LACTBL1: variants seen among roughly 807,000 people sequenced by gnomAD.
The protein encoded by LACTBL1 is beta-lactamase-like protein 1.
A neutral mutation model predicts 39.6 loss-of-function variants in LACTBL1; 29 were observed. That is an observed-to-expected ratio of 0.73 (90% confidence interval 0.55 to 1.00). LACTBL1 has a LOEUF of 1.00. Ranked by LOEUF, LACTBL1 falls within the 50% of genes least tolerant of loss-of-function variation. The pLI, the probability that LACTBL1 is intolerant of heterozygous loss-of-function variation, is 0.00. For missense variants in LACTBL1, 711 were observed against 748.5 expected (o/e 0.95, Z 0.59); for synonymous variants, 361 against 360.7 (o/e 1.00, Z -0.01).
chr1:22,959,038 G>A, intron 3 of LACTBL1, 118 bp from the exon 6 acceptor site: 1 of 650,244 alleles, frequency 1.5e-6, no homozygotes, highest in Non-Finnish European at 2.7e-6. Flanking sequence ...CCCTGCTTAA[G>A]TCAACATCTC....
chr1:22,958,697 TG>T lies in LACTBL1; in HGVS notation c.540del (p.Ser181AlafsTer25), dbSNP rs1640785793. 1 of 1,546,818 alleles carries T rather than the reference TG, an allele frequency of 6.5e-7. No homozygotes were observed. Among genetic ancestry groups the T allele is most frequent in the East Asian group, 2.4e-5 (1 of 40,898 alleles). On this transcript the variant is annotated frameshift_variant, in exon 4 of 6. Coordinates refer to ENST00000426928, the Ensembl canonical transcript of LACTBL1. LOFTEE classifies it high-confidence loss of function. Reference sequence around the variant, plus strand: ...TTCTGAGACTCACCTGAGAGCTGGCTGGCCATCCTTCGAAGGGTGACAGGTG... The same window carrying T: ...TTCTGAGACTCACCTGAGAGCTGGCTGCCATCCTTCGAAGGGTGACAGGTG...
At position 22,955,330 on chromosome 1, in the gene LACTBL1, G is replaced by A. The variant is rs561879449; in HGVS notation, c.650C>T (p.Pro217Leu). 139 of 1,550,266 alleles carry A rather than the reference G, an allele frequency of 9.0e-5. 1 individual carries two copies. In the African/African-American group the frequency reaches 1.1e-3, roughly 13 times the overall value. Reference sequence around the variant, plus strand: ...AGGGTATGCTCCTCACCTGGTTCCCGGGTCCACTACCAGCACATCGTCCTT... The same window carrying A: ...AGGGTATGCTCCTCACCTGGTTCCCAGGTCCACTACCAGCACATCGTCCTT... The change falls in exon 5 of 6, where the codon CCG becomes CTG. Residue 217 changes from proline to leucine, a missense_variant. Pro to Leu is a moderately conservative substitution (Grantham distance 98). Transcript: ENST00000426928.
At chr1:22,971,532 G>A in the LACTBL1 span, among the ~76,000 whole-genome samples, 2 of 152,240 alleles carry the variant, frequency 1.3e-5, no homozygotes, top group East Asian at 3.9e-4. Flanking sequence ...TCCTTCTCAG[G>A]TGTTCTGTGC....
chr1:22,958,778 C>T (rs866141493), exon 4 of LACTBL1: 19 of 1,550,650 alleles, frequency 1.2e-5, no homozygotes, highest in African/African-American at 5.5e-5. Context: ...CCCTGCTGTT[C>T]GGCTGATGCC....
rs762021373 is a variant in LACTBL1 at position 22,958,876 on chromosome 1, C to T, written c.362G>A (p.Arg121His). ...GGCCACGATGCCCTCCTCCCACAGA[C>T]GGTACAGCATGAGGACAGGAAAGAT... Residue 121 changes from arginine to histidine, a missense_variant, in exon 4 of 6, where the codon CGT becomes CAT. Transcript: ENST00000426928. The T allele has an allele frequency of 2.1e-5, 32 of 1,550,312 alleles. No individual in the cohort carries two copies. In the East Asian group the frequency reaches 4.4e-4, roughly 21 times the overall value.
chr1:22,955,333 T>C (rs2124223508), exon 5 of LACTBL1: 1 of 1,550,354 alleles, frequency 6.5e-7, no homozygotes, highest in Non-Finnish European at 8.7e-7. Flanking sequence ...GGTTCCCGGG[T>C]CCACTACCAG....
the LACTBL1 span, chr1:22,972,426 G>A: frequency 2.3e-4 from 230 of 985,146 alleles, no homozygotes; most frequent in South Asian, 3.8e-4. Flanking sequence ...AAGAGGTCCT[G>A]AGGGGCTGGA....
chr1:22,972,367 C>T, the LACTBL1 span: 4 of 984,990 alleles, frequency 4.1e-6, no homozygotes, highest in Non-Finnish European at 3.6e-6. Context: ...AGGTCTACAC[C>T]ACAGGAGATC....
At chr1:22,962,509 G>T (rs1422085877) in intron 2 of LACTBL1, among the ~76,000 whole-genome samples, 1 of 152,176 alleles carries the variant, frequency 6.6e-6, no homozygotes, top group Non-Finnish European at 1.5e-5. Context: ...TCCTGCAATG[G>T]TAAATTTTGT....
At chr1:22,972,637 G>A in the LACTBL1 span, among the ~76,000 whole-genome samples, 1 of 152,076 alleles carries the variant, frequency 6.6e-6, no homozygotes, top group African/African-American at 2.4e-5. Flanking sequence ...TGCATTCCCA[G>A]AAACCCCTCA....
At chr1:22,971,468 C>G in the LACTBL1 span, among the ~76,000 whole-genome samples, 5 of 151,716 alleles carry the variant, frequency 3.3e-5, no homozygotes, top group Non-Finnish European at 7.4e-5. Context: ...CAGGAAGAAC[C>G]AGGCTCTCCC....
At chr1:22,972,194 GGT>G in the LACTBL1 span, 2 of 265,218 alleles carry the variant, frequency 7.5e-6, no homozygotes, top group Non-Finnish European at 1.2e-5. Context: ...TGATGATGAA[GGT>G]AACGTGGGGG....
At chr1:22,963,391 A>C (rs1164397817) in intron 1 of LACTBL1, among the ~76,000 whole-genome samples, 175 bp from the exon 4 acceptor site, 1 of 152,140 alleles carries the variant, frequency 6.6e-6, no homozygotes, top group Non-Finnish European at 1.5e-5. Context: ...TAGGGAGCAA[A>C]GTGTGCCCTT....
At chr1:22,957,853 T>TG (rs1640777927) in intron 4 of LACTBL1, among the ~76,000 whole-genome samples, 3 of 152,012 alleles carry the variant, frequency 2.0e-5, no homozygotes, top group Admixed American at 2.0e-4. Context: ...CGTTTCACCA[T>TG]GTTGGCCAGG....
chr1:22,970,519 G>A, the LACTBL1 span, among the ~76,000 whole-genome samples: 1 of 152,168 alleles, frequency 6.6e-6, no homozygotes, highest in East Asian at 1.9e-4. Context: ...GTTTATCGTG[G>A]TGGTGGTTAT....
At chr1:22,960,533 C>T (rs1330838587) in intron 2 of LACTBL1, among the ~76,000 whole-genome samples, 3 of 143,392 alleles carry the variant, frequency 2.1e-5, no homozygotes, top group Non-Finnish European at 4.5e-5. Flanking sequence ...AGGAGAATCA[C>T]TTGAACCCAG....
upstream of LACTBL1, among the ~76,000 whole-genome samples, chr1:22,969,174 T>A (rs1412498755): frequency 2.0e-5 from 3 of 152,234 alleles, no homozygotes; most frequent in Non-Finnish European, 4.4e-5. Context: ...ATTGTGTATA[T>A]GGTGCGTGTG....
chr1:22,956,371 A>G (rs1640761960), intron 4 of LACTBL1, among the ~76,000 whole-genome samples: 1 of 152,086 alleles, frequency 6.6e-6, no homozygotes, highest in Non-Finnish European at 1.5e-5. Flanking sequence ...ACCCTGCCAA[A>G]AAAAGGAGAA....
intron 3 of LACTBL1, 54 bp from the exon 6 acceptor site, chr1:22,958,974 C>T (rs1237416325): frequency 5.7e-6 from 7 of 1,224,678 alleles, no homozygotes; most frequent in Non-Finnish European, 8.1e-6. Context: ...GGCCCCACAA[C>T]CCACCTCCTG....
Sources: gnomAD v4.1 joint callset for allele counts (sites outside exome capture counted in the v4.1 genomes callset) on GRCh38, gnomAD v4.1.1 for gene constraint, MANE v1.5 for transcripts, NCBI Gene and HGNC (gene_info 2026-07-23, HGNC 2026-07-21) for gene names.